The following PKN2 variants were observed in gnomAD, a reference collection of about 807,000 sequenced individuals.
PKN2 encodes the protein serine/threonine-protein kinase N2.
PKN2 carries 38 observed loss-of-function variants against 119.1 expected under a neutral mutation model. The observed-to-expected ratio is 0.32, with a 90% CI of 0.25 to 0.42. The LOEUF (loss-of-function observed/expected upper bound fraction) is 0.42. Among genes scored for constraint, PKN2 ranks in the 10% least tolerant of loss-of-function variants. The probability of loss-of-function intolerance (pLI) is 1.00; values close to 1 mark genes in which losing one functional copy is unlikely to be tolerated. For synonymous variants in PKN2, 390 were observed against 384.9 expected, an observed-to-expected ratio of 1.01 and a Z score of -0.15; for missense variants, 850 against 1,165.1, an observed-to-expected ratio of 0.73 and a Z score of 3.94.
At chr1:88,792,526 C>G (rs1341267977) in intron 8 of PKN2, among the ~76,000 whole-genome samples, 1 of 152,170 alleles carries the variant, frequency 6.6e-6, no homozygotes, top group African/African-American at 2.4e-5. Context: ...GAGCACAAGC[C>G]TACATTTCCA....
intron 18 of PKN2, among the ~76,000 whole-genome samples, chr1:88,824,587 A>G (rs1672423785): frequency 6.6e-6 from 1 of 152,222 alleles, no homozygotes. Flanking sequence ...AAATAAGGTT[A>G]GATGTATAGA....
rs1279195169 is a variant in PKN2, at chr1:88,828,496, A to G, written c.2435A>G (p.Asp812Gly). The G allele has an allele frequency of 6.2e-7, 1 of 1,611,302 alleles. No homozygotes were observed. Among genetic ancestry groups the G allele is most frequent in the East Asian group, 2.2e-5 (1 of 44,814 alleles). The change falls in exon 19 of 22, where the codon GAT (aspartate) becomes GGT (glycine). Residue 812 changes from aspartate (D) to glycine (G), a missense_variant. Around this residue, in one of 9 missense-constraint regions of PKN2, gnomAD observed 55 missense variants for 85.9 expected, o/e 0.64. Coordinates refer to ENST00000370521, the MANE Select transcript of PKN2 (RefSeq NM_006256.4). ...TCTTTTCCAGGAATGGGATATGGAG[A>G]TAGAACAAGCACATTTTGTGGCACT... is the stretch of plus-strand genomic sequence containing the variant. ...GLCKEGMGYG[D>G]RTSTFCGTPE...
chr1:88,786,136 A>T lies in PKN2; in HGVS notation c.1204A>T (p.Thr402Ser). The change falls in exon 8 of 22, where the codon ACT becomes TCT. Residue 402 changes from threonine (T) to serine (S), a missense_variant. Coordinates refer to ENST00000370521, the MANE Select transcript of PKN2 (RefSeq NM_006256.4). The stretch of plus-strand genomic sequence containing the variant: ...CTGTGCTGTTTTGAAGCTCGATAAT[A>T]CTGTGGTTGGCCAAACTAGCTGGAA... ...DVCAVLKLDNTVVGQTSWKPI... is the reference protein window; with the variant it reads ...DVCAVLKLDNSVVGQTSWKPI... 1 of 1,612,390 alleles carries T rather than the reference A, an allele frequency of 6.2e-7. No individual in the cohort carries two copies. Among genetic ancestry groups the T allele is most frequent in the Non-Finnish European group, 8.5e-7 (1 of 1,178,456 alleles).
At chr1:88,717,452 C>T (rs1452795684) in intron 1 of PKN2, among the ~76,000 whole-genome samples, 1 of 152,074 alleles carries the variant, frequency 6.6e-6, no homozygotes, top group Admixed American at 6.6e-5. Context: ...TAGATTTGGT[C>T]TTTTCACATA....
intron 1 of PKN2, among the ~76,000 whole-genome samples, chr1:88,698,623 A>G (rs913566946): frequency 6.6e-6 from 1 of 152,228 alleles, no homozygotes; most frequent in African/African-American, 2.4e-5. Context: ...GCACGGATAA[A>G]TCAAAAGATA....
intron 1 of PKN2, among the ~76,000 whole-genome samples, chr1:88,709,713 A>G (rs573728817): frequency 6.6e-6 from 1 of 152,320 alleles, no homozygotes; most frequent in East Asian, 1.9e-4. Flanking sequence ...GAACAAAAGA[A>G]CAGCATACAT....
chr1:88,813,774 T>G (rs1671873763), intron 16 of PKN2, 41 bp downstream of exon 16: 2 of 1,444,760 alleles, frequency 1.4e-6, no homozygotes, highest in East Asian at 5.1e-5. Context: ...TTTCCATGAC[T>G]GATTTCATTC....
chr1:88,776,262 G>T (rs1197587703), intron 6 of PKN2, among the ~76,000 whole-genome samples: 1 of 49,302 alleles, frequency 2.0e-5, no homozygotes, highest in Non-Finnish European at 3.9e-5. Context: ...CGCCCCACCC[G>T]TCACTTCTCC....
At chr1:88,694,126 C>T (rs1666435232) in intron 1 of PKN2, among the ~76,000 whole-genome samples, 1 of 152,184 alleles carries the variant, frequency 6.6e-6, no homozygotes, top group Admixed American at 6.5e-5. Context: ...CCTATATTGA[C>T]ACATCATCAT....
intron 4 of PKN2, among the ~76,000 whole-genome samples, chr1:88,770,746 C>T (rs894412863): frequency 4.0e-5 from 6 of 151,576 alleles, no homozygotes; most frequent in South Asian, 2.1e-4. Flanking sequence ...CCACTACGCC[C>T]GGCTAATTTT....
chr1:88,753,442 A>G (rs1669079857), intron 2 of PKN2, among the ~76,000 whole-genome samples: 1 of 152,118 alleles, frequency 6.6e-6, no homozygotes, highest in Non-Finnish European at 1.5e-5. Context: ...TTGTTGAAAG[A>G]TATTTTCGTT....
intron 10 of PKN2, among the ~76,000 whole-genome samples, 192 bp from the exon 11 acceptor site, chr1:88,805,301 CTATT>C (rs1671492379): frequency 6.6e-6 from 1 of 152,008 alleles, no homozygotes; most frequent in African/African-American, 2.4e-5. Flanking sequence ...AATTTCTTAC[CTATT>C]TATTTTTAAA....
At chr1:88,814,064 A>G (rs1301584086) in intron 16 of PKN2, among the ~76,000 whole-genome samples, 1 of 151,644 alleles carries the variant, frequency 6.6e-6, no homozygotes, top group Non-Finnish European at 1.5e-5. Flanking sequence ...ATTATACTCA[A>G]AATGCACTGT....
chr1:88,820,545 AAATAAAAT>A (rs1197525442), intron 16 of PKN2, among the ~76,000 whole-genome samples: 33 of 146,636 alleles, frequency 2.3e-4, no homozygotes, highest in African/African-American at 8.2e-4. Context: ...AAAAAAAAAT[AAATAAAAT>A]AAATAAATAA....
chr1:88,757,092 G>T (rs1402080765), intron 2 of PKN2, among the ~76,000 whole-genome samples: 2 of 151,940 alleles, frequency 1.3e-5, no homozygotes, highest in Non-Finnish European at 2.9e-5. Flanking sequence ...TTTTATATCA[G>T]TTTTTTGGAG....
intron 2 of PKN2, among the ~76,000 whole-genome samples, chr1:88,743,073 C>G (rs1241659087): frequency 6.6e-6 from 1 of 152,068 alleles, no homozygotes; most frequent in Non-Finnish European, 1.5e-5. Context: ...GCCTGTAGTT[C>G]CAGCTACTCG....
Position 88,770,385 on chromosome 1 carries a change from C to T in PKN2, c.538C>T (p.Leu180Phe), listed in dbSNP as rs1669837095. ...ACTCCATGGTACAGCTCAGCAACTG[C>T]TCCAGGACAGCAAGACAAAAATAGA... ...RKLHGTAQQL[L>F]QDSKTKIEVI... The change falls in exon 4 of 22, where the codon CTC becomes TTC. Residue 180 changes from leucine to phenylalanine, a missense_variant. Leu to Phe is a conservative substitution (Grantham distance 22, BLOSUM62 0). Around this residue, in one of 9 missense-constraint regions of PKN2, gnomAD observed 350 missense variants for 511.1 expected, o/e 0.68. Coordinates refer to ENST00000370521, the MANE Select transcript of PKN2 (RefSeq NM_006256.4). 6.2e-7 allele frequency: 1 copy of T among 1,612,972 alleles called. No homozygotes were observed. The highest frequency in any genetic ancestry group is 1.1e-5 in the South Asian group (1 of 91,056).
chr1:88,754,555 G>A (rs1248726435), intron 2 of PKN2, among the ~76,000 whole-genome samples: 4 of 152,162 alleles, frequency 2.6e-5, no homozygotes, highest in African/African-American at 4.8e-5. Flanking sequence ...GAAAACAATC[G>A]CATTTTATTA....
At chr1:88,751,879 T>C (rs1184965736) in intron 2 of PKN2, among the ~76,000 whole-genome samples, 1 of 152,158 alleles carries the variant, frequency 6.6e-6, no homozygotes, top group Non-Finnish European at 1.5e-5. Flanking sequence ...GAAACTGTTA[T>C]TTCGTGGTTG....
Sources: gnomAD v4.1 joint callset for allele counts (sites outside exome capture counted in the v4.1 genomes callset) on GRCh38, gnomAD v4.1.1 for gene constraint, gnomAD v4.1.1 regional missense constraint, MANE v1.5 for transcripts, NCBI Gene and HGNC (gene_info 2026-07-23, HGNC 2026-07-21) for gene names.